Variants in CNTN5 observed in about 807,000 individuals in gnomAD.
CNTN5 encodes contactin-5.
A neutral mutation model predicts 129.1 loss-of-function variants in CNTN5; 77 were observed. The ratio of observed to expected loss-of-function variants is 0.60; its 90% confidence interval spans 0.50 to 0.72. The LOEUF is 0.72. CNTN5 is among the 30% of genes least tolerant of loss of function. CNTN5 has a pLI of 0.00. For synonymous variants in CNTN5, 509 were observed against 465.6 expected (o/e 1.09, Z -1.20); for missense variants, 1,478 against 1,328.8 (o/e 1.11, Z -1.75).
intron 18 of CNTN5, among the ~76,000 whole-genome samples, chr11:100,276,222 G>A (rs976375010): frequency 2.6e-5 from 4 of 152,052 alleles, no homozygotes; most frequent in Non-Finnish European, 4.4e-5. Flanking sequence ...TTTCTGAAGA[G>A]TATATTTTGA....
At chr11:100,193,869 G>A (rs1948565605) in intron 15 of CNTN5, among the ~76,000 whole-genome samples, 1 of 151,746 alleles carries the variant, frequency 6.6e-6, no homozygotes. Context: ...AAAAAACTGA[G>A]AATACCTCAT....
intron 9 of CNTN5, among the ~76,000 whole-genome samples, chr11:100,011,200 T>C (rs1430006078): frequency 1.3e-5 from 2 of 152,124 alleles, no homozygotes; most frequent in African/African-American, 4.8e-5. Context: ...TAGCTATAGT[T>C]TTCTGGCAAG....
At chr11:99,746,935 A>T (rs1337945616) in intron 3 of CNTN5, among the ~76,000 whole-genome samples, 1 of 152,202 alleles carries the variant, frequency 6.6e-6, no homozygotes, top group Non-Finnish European at 1.5e-5. Flanking sequence ...AAATTTTAAG[A>T]TTATTTTTCT....
chr11:99,955,346 T>C (rs10791065), intron 7 of CNTN5, among the ~76,000 whole-genome samples: 126,778 of 151,574 alleles, frequency 0.84, 53,123 homozygotes, highest in South Asian at 0.89. Context: ...TTCATTCCTT[T>C]GAGTAAAGTC....
At chr11:100,152,297 C>A (rs1947091286) in intron 13 of CNTN5, among the ~76,000 whole-genome samples, 1 of 151,998 alleles carries the variant, frequency 6.6e-6, no homozygotes, top group African/African-American at 2.4e-5. Context: ...AAACAGAGAC[C>A]CAGAAGCGTT....
At chr11:100,256,611 C>T (rs145878438) in intron 17 of CNTN5, among the ~76,000 whole-genome samples, 107 of 152,226 alleles carry the variant, frequency 7.0e-4, no homozygotes, top group Non-Finnish European at 9.3e-4. Flanking sequence ...AAGCTCATCT[C>T]ATTGGGACTG....
intron 1 of CNTN5, chr11:99,120,456 C>G (rs2135405793): frequency 6.6e-6 from 1 of 152,294 alleles, no homozygotes; most frequent in South Asian, 2.1e-4. Flanking sequence ...AGCCATATAA[C>G]TAGACGCTGA....
chr11:99,435,303 T>TTA (rs1943556295), intron 2 of CNTN5, among the ~76,000 whole-genome samples: 1 of 152,156 alleles, frequency 6.6e-6, no homozygotes, highest in South Asian at 2.1e-4. Context: ...AGTCAATACT[T>TTA]TTTAAAAACA....
intron 7 of CNTN5, among the ~76,000 whole-genome samples, chr11:99,952,184 C>G (rs969015317): frequency 1.3e-5 from 2 of 152,168 alleles, no homozygotes; most frequent in African/African-American, 4.8e-5. Flanking sequence ...TCTACAATTT[C>G]TATCATAATG....
intron 1 of CNTN5, among the ~76,000 whole-genome samples, chr11:99,322,759 G>C (rs996254922): frequency 3.3e-5 from 5 of 152,118 alleles, no homozygotes; most frequent in African/African-American, 1.2e-4. Context: ...AGAAGATACA[G>C]ATACTGATGA....
At chr11:100,123,074 C>T (rs1259089542) in intron 13 of CNTN5, among the ~76,000 whole-genome samples, 1 of 151,832 alleles carries the variant, frequency 6.6e-6, no homozygotes, top group Non-Finnish European at 1.5e-5. Flanking sequence ...AGGACCAAAA[C>T]ATTATATAAA....
At chr11:99,487,182 A>G (rs967181630) in intron 2 of CNTN5, among the ~76,000 whole-genome samples, 2 of 152,244 alleles carry the variant, frequency 1.3e-5, no homozygotes, top group African/African-American at 2.4e-5. Context: ...ACTGAGTGTT[A>G]CCATCACGTG....
intron 3 of CNTN5, among the ~76,000 whole-genome samples, chr11:99,776,951 T>A (rs747210626): frequency 6.6e-6 from 1 of 152,086 alleles, no homozygotes; most frequent in East Asian, 1.9e-4. Context: ...CTGCTTTCTC[T>A]AAGAAATTAT....
chr11:99,538,378 C>A (rs571293995), intron 2 of CNTN5, among the ~76,000 whole-genome samples: 2 of 152,210 alleles, frequency 1.3e-5, no homozygotes, highest in African/African-American at 2.4e-5. Flanking sequence ...GATTTCCAAT[C>A]CACTTCAATG....
At chr11:99,580,410 A>G (rs940523680) in intron 3 of CNTN5, among the ~76,000 whole-genome samples, 5 of 152,206 alleles carry the variant, frequency 3.3e-5, no homozygotes, top group African/African-American at 1.2e-4. Flanking sequence ...GAATGGTACC[A>G]GCTCTTCCTT....
intron 18 of CNTN5, among the ~76,000 whole-genome samples, chr11:100,273,113 C>T (rs970659402): frequency 6.6e-6 from 1 of 152,110 alleles, no homozygotes; most frequent in African/African-American, 2.4e-5. Flanking sequence ...TGGCCTCTCC[C>T]CGAGCCTCAG....
chr11:100,236,508 C>T (rs1449379568), intron 16 of CNTN5, among the ~76,000 whole-genome samples: 1 of 152,188 alleles, frequency 6.6e-6, no homozygotes, highest in Non-Finnish European at 1.5e-5. Context: ...TCCTGAGTGA[C>T]TTTGGTCTTT....
At chr11:99,248,163 G>A (rs1314715736) in intron 1 of CNTN5, among the ~76,000 whole-genome samples, 1 of 152,156 alleles carries the variant, frequency 6.6e-6, no homozygotes, top group Non-Finnish European at 1.5e-5. Context: ...TCTAACTGGT[G>A]TGAGATGGTA....
intron 9 of CNTN5, among the ~76,000 whole-genome samples, chr11:100,018,991 G>T (rs375329844): frequency 6.6e-6 from 1 of 151,848 alleles, no homozygotes; most frequent in Non-Finnish European, 1.5e-5. Context: ...TGCCTGAGAT[G>T]TTGATATTTT....
Sources: allele counts gnomAD v4.1 joint callset (sites outside exome capture counted in the v4.1 genomes callset), GRCh38; gene constraint gnomAD v4.1.1; transcripts MANE v1.5; gene names NCBI Gene and HGNC (gene_info 2026-07-23, HGNC 2026-07-21).